CHD9: variants seen among roughly 807,000 people sequenced by gnomAD.
The protein encoded by CHD9 is ATP-dependent chromatin remodeler CHD9.
A neutral mutation model predicts 316.1 loss-of-function variants in CHD9; 77 were observed. The ratio of observed to expected loss-of-function variants is 0.24; its 90% CI spans 0.20 to 0.29. The LOEUF (loss-of-function observed/expected upper bound fraction) is 0.29, where lower values mean the gene tolerates loss of function less well. Ranked by LOEUF, CHD9 falls within the 10% of genes least tolerant of loss-of-function variation. The pLI, the probability that CHD9 is intolerant of heterozygous loss-of-function variation, is 1.00. For synonymous variants in CHD9, 1,129 were observed against 1,158.3 expected, an observed-to-expected ratio of 0.97 and a Z score of 0.51; for missense variants, 2,763 against 3,438.1, an observed-to-expected ratio of 0.80 and a Z score of 4.91.
chr16:53,325,062 T>C lies in CHD9; in HGVS notation c.*167T>C. The C allele has an allele frequency of 1.8e-6, 1 of 561,150 alleles. No individual in the cohort carries two copies. Among genetic ancestry groups the C allele is most frequent in the Non-Finnish European group, 3.1e-6 (1 of 324,052 alleles). The allele number at this position is 561,150 out of a possible 1,614,324, so 34.8% of individuals were successfully genotyped here. On this transcript the variant is annotated 3_prime_UTR_variant, in exon 39 of 39. Transcript: ENST00000447540. ...AGAGACTTTTTGCATGTAATATTTCTTAAGATTCATAAGTTTCTGAACTCG... is the reference window on the plus strand; with the variant it reads ...AGAGACTTTTTGCATGTAATATTTCCTAAGATTCATAAGTTTCTGAACTCG...
rs774500387 is a variant in CHD9 at position 53,304,053 on chromosome 16, T to C, written c.6047T>C (p.Leu2016Pro). Residue 2016 changes from leucine to proline, a missense_variant, in exon 31 of 39, where the codon CTA becomes CCA. Around this residue, in one of 15 missense-constraint regions of CHD9, gnomAD observed 663 missense variants for 751.2 expected, o/e 0.88. Transcript: ENST00000447540. Reference sequence around the variant, plus strand: ...CATTCAAGGACTTCTACCCCACTTCTACAGCAATATCAAGTAGCACTTTCT... The same window carrying C: ...CATTCAAGGACTTCTACCCCACTTCCACAGCAATATCAAGTAGCACTTTCT... ...MAHSRTSTPL[L>P]QQYQVALSAS... The C allele has an allele frequency of 3.7e-6, 6 of 1,613,928 alleles. No homozygotes were observed. In the Admixed American group the frequency reaches 8.3e-5, roughly 22 times the overall value.
intron 2 of CHD9, among the ~76,000 whole-genome samples, chr16:53,163,171 CTT>C (rs77301729): frequency 0.28 from 42,392 of 151,856 alleles, 5,980 homozygotes; most frequent in Middle Eastern, 0.32. Context: ...AGTGAGATCT[CTT>C]GTTTGTCCTT....
intron 2 of CHD9, among the ~76,000 whole-genome samples, chr16:53,164,193 G>A (rs2152762980): frequency 6.6e-6 from 1 of 152,256 alleles, no homozygotes; most frequent in Non-Finnish European, 1.5e-5. Flanking sequence ...AAGTGGCAAA[G>A]ACCATGCCTC....
Position 53,306,495 on chromosome 16 carries a change from C to T in CHD9, c.6780+98C>T, listed in dbSNP as rs538044411. The T allele has an allele frequency of 5.6e-4, 553 of 993,120 alleles. 2 individuals are homozygous for T. The South Asian group carries it at 6.7e-3, about 12-fold the overall frequency. 61.5% of individuals were successfully genotyped at this position (993,120 alleles called of 1,614,324 possible). On this transcript the variant is annotated intron_variant, in intron 32 of 38. Coordinates refer to ENST00000447540, the MANE Select transcript of CHD9 (RefSeq NM_001308319.2). ...CTTACTATGTGGAAACATAGGTCAG[C>T]GTAAAATGTAGGATGACATTTTGGT...
Position 53,245,947 on chromosome 16 carries a change from C to A in CHD9, c.3454+97C>A. 1 of 823,766 alleles carries A rather than the reference C, an allele frequency of 1.2e-6. No homozygotes were observed. The highest frequency in any genetic ancestry group is 1.7e-6 in the Non-Finnish European group (1 of 573,010). 51.0% of individuals were successfully genotyped at this position (823,766 alleles called of 1,614,324 possible). Reference sequence around the variant, plus strand: ...ACTACAGCTGTAGTGGCTGTTATGACTCTCCACTGTGATATTCTAAGGAAT... The same window carrying A: ...ACTACAGCTGTAGTGGCTGTTATGAATCTCCACTGTGATATTCTAAGGAAT... On this transcript the variant is annotated intron_variant, in intron 15 of 38. Coordinates refer to ENST00000447540, the MANE Select transcript of CHD9 (RefSeq NM_001308319.2). The surrounding 1 kb of genome is among the most constrained non-coding windows in gnomAD (Gnocchi z 4.1).
At position 53,080,261 on chromosome 16, in the gene CHD9, T is replaced by G. The variant is rs191227744; in HGVS notation, c.-165+25184T>G. Among the ~76,000 whole-genome samples the G allele has an allele frequency of 6.1e-3, 931 of 152,322 alleles. 13 individuals carry two copies. The highest frequency in any genetic ancestry group is 0.021 in the African/African-American group (873 of 41,588). On this transcript the variant is annotated intron_variant, in intron 1 of 38. Coordinates refer to ENST00000447540, the MANE Select transcript of CHD9 (RefSeq NM_001308319.2). ...GGCAAGAAGGGTTTTTTTCTTTTTTTTATTAACCACTTTTTCTGGTTATCC... is the reference window on the plus strand; with the variant it reads ...GGCAAGAAGGGTTTTTTTCTTTTTTGTATTAACCACTTTTTCTGGTTATCC...
intron 1 of CHD9, among the ~76,000 whole-genome samples, chr16:53,104,361 T>C (rs553331748): frequency 2.0e-5 from 3 of 152,320 alleles, no homozygotes; most frequent in East Asian, 1.9e-4. Flanking sequence ...TTGATATACA[T>C]TGGAAGCCAG....
At chr16:53,130,889 G>A (rs2039217396) in intron 1 of CHD9, 1 of 151,886 alleles carries the variant, frequency 6.6e-6, no homozygotes, top group East Asian at 2.0e-4. Flanking sequence ...TGCAAATAGC[G>A]CGCCGGTGCT....
At chr16:53,312,825 G>A (rs966012695) in intron 34 of CHD9, among the ~76,000 whole-genome samples, 6 of 152,152 alleles carry the variant, frequency 3.9e-5, no homozygotes, top group Non-Finnish European at 7.3e-5. Flanking sequence ...TACACAGCTC[G>A]CCAGAAGGCA....
chr16:53,147,108 G>A (rs536629796), intron 1 of CHD9, among the ~76,000 whole-genome samples: 1 of 152,120 alleles, frequency 6.6e-6, no homozygotes, highest in South Asian at 2.1e-4. Context: ...TAGGCTTTAA[G>A]ATAATATGTA....
At position 53,268,083 on chromosome 16, in the gene CHD9, T is replaced by C. The variant is rs756194985; in HGVS notation, c.4674T>C (p.Thr1558=). 1.2e-6 allele frequency: 2 copies of C among 1,612,554 alleles called. No homozygotes were observed. Among genetic ancestry groups the C allele is most frequent in the Non-Finnish European group, 1.7e-6 (2 of 1,179,168 alleles). The change falls in exon 22 of 39, where the codon ACT becomes ACC. Residue 1558 remains threonine, a synonymous_variant. Transcript: ENST00000447540. Reference sequence around the variant, plus strand: ...AAGGTTTCATATGGGATCTCATTACTCCAACTGAAGATGGACAGACACGAG... The same window carrying C: ...AAGGTTTCATATGGGATCTCATTACCCCAACTGAAGATGGACAGACACGAG... ...KIKGFIWDLI[T]PTEDGQTREL...
chr16:53,079,939 G>A (rs1026057153), intron 1 of CHD9, among the ~76,000 whole-genome samples: 4 of 152,196 alleles, frequency 2.6e-5, no homozygotes, highest in African/African-American at 9.7e-5. Context: ...CCTGCATTCT[G>A]TGAGCTTTCT....
intron 18 of CHD9, 110 bp from the exon 19 acceptor site, chr16:53,255,490 C>T (rs1254652883): frequency 1.1e-6 from 1 of 891,624 alleles, no homozygotes. Flanking sequence ...ATCCCAAACC[C>T]AAATGCAGTT....
intron 1 of CHD9, among the ~76,000 whole-genome samples, chr16:53,132,298 TAA>T (rs1048298188): frequency 6.6e-6 from 1 of 152,120 alleles, no homozygotes; most frequent in Non-Finnish European, 1.5e-5. Context: ...CTGTATTAAA[TAA>T]AGTTTATTTT....
chr16:53,321,546 C>T lies in CHD9; in HGVS notation c.7734C>T (p.Pro2578=), dbSNP rs754386235. 19 of 1,541,990 alleles carry T rather than the reference C, an allele frequency of 1.2e-5. No individual in the cohort carries two copies. Among genetic ancestry groups the T allele is most frequent in the Non-Finnish European group, 1.7e-5 (19 of 1,137,718 alleles). ...NARKVGGAFA[P]PLKDLCRFLK... is the part of the protein sequence containing the mutation. Reference sequence around the variant, plus strand: ...TACAGGTTGGAGGTGCATTTGCTCCCCCTTTGAAAGATTTATGTAGATTCC... The same window carrying T: ...TACAGGTTGGAGGTGCATTTGCTCCTCCTTTGAAAGATTTATGTAGATTCC... The change falls in exon 38 of 39, where the codon CCC becomes CCT. Residue 2578 remains proline, a synonymous_variant. Coordinates refer to ENST00000447540, the MANE Select transcript of CHD9 (RefSeq NM_001308319.2).
At chr16:53,280,193 G>T (rs2053268684) in intron 24 of CHD9, among the ~76,000 whole-genome samples, 1 of 151,978 alleles carries the variant, frequency 6.6e-6, no homozygotes, top group Non-Finnish European at 1.5e-5. Flanking sequence ...AGGAAAAGAA[G>T]TCATTATATT....
intron 30 of CHD9, among the ~76,000 whole-genome samples, chr16:53,297,732 C>T (rs1265889798): frequency 6.6e-6 from 1 of 152,212 alleles, no homozygotes; most frequent in South Asian, 2.1e-4. Flanking sequence ...ATGTCATGAA[C>T]AGTTGTCTCC....
chr16:53,144,071 C>G (rs1477002361), intron 1 of CHD9, among the ~76,000 whole-genome samples: 1 of 151,976 alleles, frequency 6.6e-6, no homozygotes, highest in Non-Finnish European at 1.5e-5. Context: ...TTAATTAAAT[C>G]TCAGATAAGT....
chr16:53,285,780 T>TA lies in CHD9; in HGVS notation c.5071+82dup, dbSNP rs1217630763. Reference sequence around the variant, plus strand: ...AGTTCTCAGTTCATTGATTTCCACTTACAGCTTTATTCCAGTAACATCTAT... The same window carrying TA: ...AGTTCTCAGTTCATTGATTTCCACTTAACAGCTTTATTCCAGTAACATCTAT... On this transcript the variant is annotated intron_variant, in intron 25 of 38. Transcript: ENST00000447540. The TA allele has an allele frequency of 4.4e-6, 3 of 688,252 alleles. No homozygotes were observed. The Admixed American group carries it at 9.0e-5, about 21-fold the overall frequency. The allele number at this position is 688,252 out of a possible 1,614,324, so 42.6% of individuals were successfully genotyped here.
Sources: allele counts gnomAD v4.1 joint callset (sites outside exome capture counted in the v4.1 genomes callset), GRCh38; gene constraint gnomAD v4.1.1; regional missense constraint gnomAD v4.1.1; non-coding constraint Gnocchi (gnomAD v3.1); transcripts MANE v1.5; gene names NCBI Gene and HGNC (gene_info 2026-07-23, HGNC 2026-07-21).